Variants in TMEM131 observed in about 807,000 individuals in gnomAD.
TMEM131 encodes the protein 2610524E03Rik.
TMEM131 carries 66 observed loss-of-function variants against 211.6 expected under a neutral mutation model. The observed-to-expected ratio is 0.31, with a 90% CI of 0.26 to 0.38. The LOEUF (loss-of-function observed/expected upper bound fraction) is 0.38. Among genes scored for constraint, TMEM131 ranks in the 10% least tolerant of loss-of-function variants. TMEM131 has a pLI of 1.00. For synonymous variants in TMEM131, 844 were observed against 841.3 expected (o/e 1.00, Z -0.06); for missense variants, 2,036 against 2,299.3 (o/e 0.89, Z 2.34).
At chr2:97,910,437 C>G (rs1676248450) in intron 2 of TMEM131, among the ~76,000 whole-genome samples, 1 of 152,154 alleles carries the variant, frequency 6.6e-6, no homozygotes, top group Non-Finnish European at 1.5e-5. Context: ...AACCCACATT[C>G]ACAGCAGTAT....
chr2:97,929,054 G>A (rs1677107904), intron 1 of TMEM131, among the ~76,000 whole-genome samples: 2 of 151,670 alleles, frequency 1.3e-5, no homozygotes, highest in South Asian at 4.1e-4. Flanking sequence ...CAGATCTTGT[G>A]TTCTAATATT....
At chr2:97,774,518 A>C (rs1395202641) in intron 32 of TMEM131, among the ~76,000 whole-genome samples, 1 of 152,246 alleles carries the variant, frequency 6.6e-6, no homozygotes, top group Admixed American at 6.5e-5. Context: ...TAGTAACCAG[A>C]CAAGGAGGCC....
intron 19 of TMEM131, among the ~76,000 whole-genome samples, chr2:97,808,984 G>A (rs564048743): frequency 2.6e-5 from 4 of 152,228 alleles, no homozygotes; most frequent in Admixed American, 2.0e-4. Flanking sequence ...ACAGCCATGC[G>A]CTCAAACTCC....
chr2:97,849,309 C>T (rs554096565), intron 5 of TMEM131, among the ~76,000 whole-genome samples: 1 of 152,236 alleles, frequency 6.6e-6, no homozygotes, highest in Non-Finnish European at 1.5e-5. Context: ...GGAAACACCC[C>T]AAAAGTCTTC....
chr2:97,821,838 C>G (rs1682137690), intron 11 of TMEM131, among the ~76,000 whole-genome samples: 1 of 152,168 alleles, frequency 6.6e-6, no homozygotes, highest in Admixed American at 6.5e-5. Flanking sequence ...GGCTAACAAC[C>G]CCCAACTCTT....
At chr2:97,965,083 G>A (rs975915532) in intron 1 of TMEM131, among the ~76,000 whole-genome samples, 4 of 152,142 alleles carry the variant, frequency 2.6e-5, no homozygotes, top group African/African-American at 7.2e-5. Flanking sequence ...CAGGTTGCTC[G>A]GGGAAATAAC....
chr2:97,825,715 T>C (rs553171136), intron 11 of TMEM131, among the ~76,000 whole-genome samples: 2 of 152,186 alleles, frequency 1.3e-5, no homozygotes, highest in Non-Finnish European at 2.9e-5. Context: ...TTACTCAGAC[T>C]CGTGGGACAA....
chr2:97,771,115 T>G (rs929548667), intron 33 of TMEM131, among the ~76,000 whole-genome samples: 1 of 152,140 alleles, frequency 6.6e-6, no homozygotes, highest in African/African-American at 2.4e-5. Flanking sequence ...ATCAACCACC[T>G]GATACCACTC....
At chr2:97,934,545 GA>G (rs1677362172) in intron 1 of TMEM131, among the ~76,000 whole-genome samples, 2 of 152,020 alleles carry the variant, frequency 1.3e-5, no homozygotes, top group South Asian at 4.1e-4. Flanking sequence ...ACAAACCCTA[GA>G]ATTGCTAAAA....
intron 22 of TMEM131, 42 bp from the exon 23 acceptor site, chr2:97,802,832 T>C: frequency 1.3e-6 from 2 of 1,487,884 alleles, no homozygotes; most frequent in Non-Finnish European, 1.8e-6. Flanking sequence ...AAATGAAATA[T>C]TTGAGTCTTC....
chr2:97,939,910 A>T (rs981086903), intron 1 of TMEM131, among the ~76,000 whole-genome samples: 2 of 152,250 alleles, frequency 1.3e-5, no homozygotes, highest in African/African-American at 4.8e-5. Flanking sequence ...AAACAGAACC[A>T]AAGACAAAAA....
At chr2:97,983,487 T>C (rs949460657) in intron 1 of TMEM131, among the ~76,000 whole-genome samples, 1 of 152,218 alleles carries the variant, frequency 6.6e-6, no homozygotes, top group African/African-American at 2.4e-5. Context: ...TAATCTGCAA[T>C]TGTCTTGCTC....
chr2:97,922,880 T>C (rs1406514346), intron 2 of TMEM131, among the ~76,000 whole-genome samples: 1 of 152,178 alleles, frequency 6.6e-6, no homozygotes, highest in Non-Finnish European at 1.5e-5. Flanking sequence ...TATATGTAAA[T>C]TATATCTCAC....
At chr2:97,948,615 A>T (rs1261102039) in intron 1 of TMEM131, among the ~76,000 whole-genome samples, 2 of 152,140 alleles carry the variant, frequency 1.3e-5, no homozygotes, top group African/African-American at 4.8e-5. Context: ...GGGAATATAA[A>T]ATGGTGCAAC....
In TMEM131 at chr2:97,757,312, A is replaced by T; in HGVS notation, c.5439T>A (p.Leu1813=). 1 of 1,613,864 alleles carries T rather than the reference A, an allele frequency of 6.2e-7. No homozygotes were observed. The highest frequency in any genetic ancestry group is 8.5e-7 in the Non-Finnish European group (1 of 1,179,858). The part of the protein sequence containing the change: ...PFSSSIWSSN[L]SSALPFTTPA... The stretch of plus-strand genomic sequence containing the variant: ...GAGTGGTGAAGGGAAGGGCGCTGCT[A>T]AGGTTGCTGGACCAAATGGAGCTGC... Residue 1813 remains leucine (L), a synonymous_variant, in exon 41 of 41, where the codon CTT becomes CTA. Coordinates refer to ENST00000186436, the MANE Select transcript of TMEM131 (RefSeq NM_015348.2).
intron 4 of TMEM131, among the ~76,000 whole-genome samples, chr2:97,874,181 AT>A (rs1046628142): frequency 4.3e-4 from 56 of 130,910 alleles, no homozygotes; most frequent in Non-Finnish European, 8.4e-4. Flanking sequence ...AGAAAAAGGA[AT>A]AAAAAGGAAT....
At chr2:97,781,872 G>C (rs1680021926) in intron 31 of TMEM131, among the ~76,000 whole-genome samples, 1 of 152,192 alleles carries the variant, frequency 6.6e-6, no homozygotes, top group Admixed American at 6.5e-5. Flanking sequence ...TGCCAAAGGT[G>C]CAGGAAAGGG....
intron 1 of TMEM131, among the ~76,000 whole-genome samples, chr2:97,965,434 G>A (rs929286866): frequency 1.3e-5 from 2 of 152,196 alleles, no homozygotes; most frequent in Non-Finnish European, 2.9e-5. Context: ...CTCTTATTCT[G>A]TCTCTTTCTA....
chr2:97,960,524 G>A (rs942081055), intron 1 of TMEM131, among the ~76,000 whole-genome samples: 7 of 151,922 alleles, frequency 4.6e-5, no homozygotes, highest in African/African-American at 1.7e-4. Context: ...TTTGCTTTAC[G>A]ACACAAAATG....
Sources: gnomAD v4.1 joint callset for allele counts (sites outside exome capture counted in the v4.1 genomes callset) on GRCh38, gnomAD v4.1.1 for gene constraint, MANE v1.5 for transcripts, NCBI Gene and HGNC (gene_info 2026-07-23, HGNC 2026-07-21) for gene names.